Variants in DPYD observed in about 807,000 individuals in gnomAD.
The protein encoded by DPYD is dihydropyrimidine dehydrogenase [NADP(+)].
In DPYD, 109 loss-of-function variants were observed where a neutral mutation model predicts 116.2. The ratio of observed to expected loss-of-function variants is 0.94; its 90% CI spans 0.80 to 1.10. The LOEUF is 1.10. DPYD is among the 50% of genes least tolerant of loss of function. The pLI, the probability that DPYD is intolerant of heterozygous loss-of-function variation, is 0.00. For missense variants in DPYD, 1,302 were observed against 1,254.5 expected, an observed-to-expected ratio of 1.04 and a Z score of -0.57; for synonymous variants, 440 against 432.0, an observed-to-expected ratio of 1.02 and a Z score of -0.23.
At chr1:97,867,967 A>C (rs1381695460) in intron 2 of DPYD, among the ~76,000 whole-genome samples, 6 of 151,908 alleles carry the variant, frequency 3.9e-5, no homozygotes, top group African/African-American at 1.4e-4. Context: ...TATGTATAGA[A>C]AACCCGAAAG....
intron 2 of DPYD, among the ~76,000 whole-genome samples, chr1:97,848,270 T>C (rs753359369): frequency 6.6e-6 from 1 of 152,182 alleles, no homozygotes; most frequent in African/African-American, 2.4e-5. Context: ...GCTAACTTTT[T>C]GTATTTTTAG....
chr1:97,657,289 C>G (rs1011826134), intron 8 of DPYD, among the ~76,000 whole-genome samples: 2 of 152,140 alleles, frequency 1.3e-5, no homozygotes, highest in East Asian at 3.9e-4. Flanking sequence ...AGGACCTTCA[C>G]TGTTCAATTA....
At chr1:97,274,355 C>T (rs996342955) in intron 18 of DPYD, among the ~76,000 whole-genome samples, 4 of 152,048 alleles carry the variant, frequency 2.6e-5, no homozygotes, top group African/African-American at 9.7e-5. Flanking sequence ...ACACCTGAGC[C>T]GCTTGTTTAA....
intron 21 of DPYD, among the ~76,000 whole-genome samples, chr1:97,085,433 G>A (rs1459414782): frequency 1.3e-5 from 2 of 152,184 alleles, no homozygotes; most frequent in Non-Finnish European, 1.5e-5. Flanking sequence ...TTAATGTGAA[G>A]CCAATGTGGA....
intron 12 of DPYD, among the ~76,000 whole-genome samples, chr1:97,537,380 GTCA>G (rs1557781684): frequency 2.0e-5 from 3 of 152,060 alleles, no homozygotes; most frequent in African/African-American, 4.8e-5. Context: ...TTAAAATGCT[GTCA>G]TCTTATAAAA....
chr1:97,606,150 C>T (rs1436725209), intron 8 of DPYD, among the ~76,000 whole-genome samples: 1 of 151,998 alleles, frequency 6.6e-6, no homozygotes, highest in Non-Finnish European at 1.5e-5. Context: ...TGAGGACAAT[C>T]AGTTGGAAAT....
chr1:97,631,550 T>G (rs1657260202), intron 8 of DPYD, among the ~76,000 whole-genome samples: 1 of 151,930 alleles, frequency 6.6e-6, no homozygotes. Flanking sequence ...AGAGAGCAAA[T>G]GTATAAAGCA....
In DPYD at chr1:97,433,594, A is replaced by C. The variant is rs111998363; in HGVS notation, c.1905+16465T>G. 7.6e-3 allele frequency among the ~76,000 whole-genome samples: 1,163 copies of C among 152,252 alleles called. 15 individuals carry two copies. The highest frequency in any genetic ancestry group is 0.027 in the African/African-American group (1,115 of 41,546). On this transcript the variant is annotated intron_variant, in intron 14 of 22. Coordinates refer to ENST00000370192, the MANE Select transcript of DPYD (RefSeq NM_000110.4). ...TATGGTTATTAGGGTAGGAGTAATAATCTCTTATAGCTTTCTACATCCTTA... is the reference window on the plus strand; with the variant it reads ...TATGGTTATTAGGGTAGGAGTAATACTCTCTTATAGCTTTCTACATCCTTA...
intron 14 of DPYD, among the ~76,000 whole-genome samples, chr1:97,423,204 C>T (rs886827000): frequency 2.6e-5 from 4 of 152,040 alleles, no homozygotes; most frequent in African/African-American, 9.7e-5. Context: ...AGAAAATGCT[C>T]CAGCTCTCCT....
chr1:97,543,662 G>C, intron 12 of DPYD, among the ~76,000 whole-genome samples: 1 of 151,920 alleles, frequency 6.6e-6, no homozygotes, highest in East Asian at 1.9e-4. Flanking sequence ...TGCTACATTT[G>C]TGAGAAAACA....
At chr1:97,385,815 C>T (rs1265161277) in intron 14 of DPYD, among the ~76,000 whole-genome samples, 1 of 152,084 alleles carries the variant, frequency 6.6e-6, no homozygotes, top group Non-Finnish European at 1.5e-5. Context: ...TAAGATATAT[C>T]CTCTCAAGTA....
At chr1:97,598,819 GAGGCATATAGGGATTA>G (rs1193581613) in intron 8 of DPYD, among the ~76,000 whole-genome samples, 7 of 152,082 alleles carry the variant, frequency 4.6e-5, no homozygotes, top group African/African-American at 1.7e-4. Flanking sequence ...TGAGGAAATT[GAGGCATATAGGGATTA>G]AGTAACTCGC....
chr1:97,469,059 C>T (rs911618765), intron 13 of DPYD, among the ~76,000 whole-genome samples: 4 of 152,026 alleles, frequency 2.6e-5, no homozygotes, highest in African/African-American at 4.8e-5. Flanking sequence ...ATCCTAATGG[C>T]CCTCTGTAGA....
At position 97,285,130 on chromosome 1, in the gene DPYD, C is replaced by A. The variant is rs570923108; in HGVS notation, c.2299+20129G>T. The stretch of plus-strand genomic sequence containing the variant: ...TTTAACTTTTCCTCCTTGCCTTGAC[C>A]TCTAACACTCTGTATAGAAGGGATA... On this transcript the variant is annotated intron_variant, in intron 18 of 22. Coordinates refer to ENST00000370192, the MANE Select transcript of DPYD (RefSeq NM_000110.4). 2.0e-5 allele frequency among the ~76,000 whole-genome samples: 3 copies of A among 152,248 alleles called. No homozygotes were observed. The South Asian group carries it at 6.2e-4, about 32-fold the overall frequency.
intron 20 of DPYD, among the ~76,000 whole-genome samples, chr1:97,148,592 C>T (rs1421760886): frequency 6.6e-6 from 1 of 152,044 alleles, no homozygotes; most frequent in Non-Finnish European, 1.5e-5. Context: ...TATTTATCTT[C>T]TAAATGGGAT....
At chr1:97,176,873 TG>T (rs1657302878) in intron 20 of DPYD, among the ~76,000 whole-genome samples, 1 of 111,016 alleles carries the variant, frequency 9.0e-6, no homozygotes, top group African/African-American at 7.2e-5. Flanking sequence ...AAAAAATGTG[TG>T]TGTGTGTGTG....
intron 1 of DPYD, among the ~76,000 whole-genome samples, chr1:97,916,787 C>T (rs748168841): frequency 6.6e-6 from 1 of 152,116 alleles, no homozygotes; most frequent in South Asian, 2.1e-4. Context: ...CTGAAAGGTT[C>T]GCTTGAGCCC....
intron 8 of DPYD, among the ~76,000 whole-genome samples, chr1:97,654,721 G>A (rs766311050): frequency 4.9e-4 from 74 of 151,964 alleles, no homozygotes; most frequent in Non-Finnish European, 9.1e-4. Context: ...TAAAAATAAC[G>A]TGAAAATAGT....
chr1:97,435,616 TAAAA>T (rs1481174550), intron 14 of DPYD, among the ~76,000 whole-genome samples: 1 of 151,744 alleles, frequency 6.6e-6, no homozygotes, highest in Non-Finnish European at 1.5e-5. Flanking sequence ...AAATAACAAT[TAAAA>T]AAGAAAAGCA....
Sources: allele counts gnomAD v4.1 joint callset (sites outside exome capture counted in the v4.1 genomes callset), GRCh38; gene constraint gnomAD v4.1.1; transcripts MANE v1.5; gene names NCBI Gene and HGNC (gene_info 2026-07-23, HGNC 2026-07-21).